CHRM3: variants seen among roughly 807,000 people sequenced by gnomAD.
CHRM3 encodes muscarinic acetylcholine receptor M3.
In CHRM3, 11 loss-of-function variants were observed where a neutral mutation model predicts 41.8. That is an observed-to-expected ratio of 0.26 (90% CI 0.17 to 0.44). CHRM3 has a LOEUF of 0.44. CHRM3 is among the 20% of genes least tolerant of loss of function. The probability of loss-of-function intolerance (pLI) is 1.00; values close to 1 mark genes in which losing one functional copy is unlikely to be tolerated. For synonymous variants in CHRM3, 297 were observed against 301.4 expected, an observed-to-expected ratio of 0.99 and a Z score of 0.15; for missense variants, 571 against 745.4, an observed-to-expected ratio of 0.77 and a Z score of 2.72.
At chr1:239,881,708 G>A (rs1677650717) in intron 6 of CHRM3, among the ~76,000 whole-genome samples, 1 of 152,094 alleles carries the variant, frequency 6.6e-6, no homozygotes, top group Non-Finnish European at 1.5e-5. Context: ...TTGAGCTTGA[G>A]TTTCACCAAA....
intron 5 of CHRM3, among the ~76,000 whole-genome samples, chr1:239,684,771 A>AAAGAAAGAAAGAAAGAAAGAAAGAAAGG (rs71166886): frequency 1.4e-5 from 1 of 70,182 alleles, no homozygotes; most frequent in African/African-American, 3.1e-5. Context: ...AGAAAGAAAG[A>AAAGAAAGAAAGAAAGAAAGAAAGAAAGG]GAAAGAGAAA....
chr1:239,758,714 T>C (rs1572198612), intron 5 of CHRM3, among the ~76,000 whole-genome samples: 2 of 152,374 alleles, frequency 1.3e-5, no homozygotes, highest in East Asian at 1.9e-4. Context: ...GGAAAGGTTA[T>C]TTTTTATTTT....
chr1:239,621,844 C>T (rs1188811472), intron 3 of CHRM3, among the ~76,000 whole-genome samples: 2 of 152,152 alleles, frequency 1.3e-5, no homozygotes, highest in African/African-American at 2.4e-5. Flanking sequence ...CACTAAACAT[C>T]AGATTTTCAG....
At chr1:239,524,047 AT>A (rs1400979013) in intron 2 of CHRM3, among the ~76,000 whole-genome samples, 2 of 152,122 alleles carry the variant, frequency 1.3e-5, no homozygotes, top group African/African-American at 4.8e-5. Flanking sequence ...TTAATACCAC[AT>A]TTCTCAGCTT....
At chr1:239,653,808 C>T (rs903329508) in intron 4 of CHRM3, among the ~76,000 whole-genome samples, 12 of 151,964 alleles carry the variant, frequency 7.9e-5, no homozygotes, top group Non-Finnish European at 2.9e-5. Context: ...TTATGGTTGG[C>T]CCTGGGGGAT....
intron 6 of CHRM3, among the ~76,000 whole-genome samples, chr1:239,843,447 CTTTTTTTTTT>C (rs34901177): frequency 2.5e-5 from 2 of 81,226 alleles, no homozygotes; most frequent in African/African-American, 4.6e-5. Context: ...ACTCGCTTTC[CTTTTTTTTTT>C]TTTTTTTTTT....
At position 239,879,270 on chromosome 1, in the gene CHRM3, A is replaced by C. The variant is rs1202521884; in HGVS notation, c.-19-28163A>C. ...CCCAGTTTCCCAAAGTGCTGGGATT[A>C]CGGGTGTGAGCCAACGCACCCAGCT... On this transcript the variant is annotated intron_variant, in intron 6 of 6. Transcript: ENST00000676153. 2.0e-5 allele frequency among the ~76,000 whole-genome samples: 3 copies of C among 152,224 alleles called. No homozygotes were observed. In the South Asian group the frequency reaches 6.2e-4, roughly 32 times the overall value.
rs187122506 is a variant in CHRM3 at position 239,578,996 on chromosome 1, A to G, written c.-313+33247A>G. Reference sequence around the variant, plus strand: ...ATCCTATTAACTTTACAATGTAAGTATCTCACTGTTCCATTACTAGAATTA... The same window carrying G: ...ATCCTATTAACTTTACAATGTAAGTGTCTCACTGTTCCATTACTAGAATTA... On this transcript the variant is annotated intron_variant, in intron 3 of 6. Transcript: ENST00000676153. 1.6e-4 allele frequency among the ~76,000 whole-genome samples: 24 copies of G among 152,360 alleles called. No individual in the cohort carries two copies. The East Asian group carries it at 3.7e-3, about 23-fold the overall frequency.
intron 2 of CHRM3, among the ~76,000 whole-genome samples, chr1:239,541,515 AT>A (rs1341221816): frequency 6.6e-6 from 1 of 151,694 alleles, no homozygotes; most frequent in Non-Finnish European, 1.5e-5. Flanking sequence ...TTTATTTTTT[AT>A]TTATTTATTT....
chr1:239,873,260 C>G (rs1049825809), intron 6 of CHRM3, among the ~76,000 whole-genome samples: 4 of 152,186 alleles, frequency 2.6e-5, no homozygotes, highest in African/African-American at 9.7e-5. Context: ...GCCTCAGTTT[C>G]CTCAGCTACA....
At chr1:239,869,155 T>C (rs1331554722) in intron 6 of CHRM3, among the ~76,000 whole-genome samples, 1 of 151,968 alleles carries the variant, frequency 6.6e-6, no homozygotes, top group Non-Finnish European at 1.5e-5. Flanking sequence ...AGCTGTGAGT[T>C]CCCAGCCCCA....
chr1:239,498,596 C>T (rs1455283772), intron 2 of CHRM3, among the ~76,000 whole-genome samples: 1 of 152,056 alleles, frequency 6.6e-6, no homozygotes, highest in Non-Finnish European at 1.5e-5. Flanking sequence ...TATAGACTTT[C>T]TGAGAGCTTA....
intron 1 of CHRM3, among the ~76,000 whole-genome samples, chr1:239,450,962 G>C (rs1312185755): frequency 6.6e-6 from 1 of 152,222 alleles, no homozygotes; most frequent in South Asian, 2.1e-4. Context: ...GGCCATGACA[G>C]AAGAATCACT....
chr1:239,655,750 G>A (rs1672654629), intron 4 of CHRM3, among the ~76,000 whole-genome samples: 1 of 152,036 alleles, frequency 6.6e-6, no homozygotes, highest in African/African-American at 2.4e-5. Context: ...CCCCTGTATG[G>A]GCAGTCTTTC....
At chr1:239,700,738 C>T (rs1185625019) in intron 5 of CHRM3, among the ~76,000 whole-genome samples, 2 of 151,994 alleles carry the variant, frequency 1.3e-5, no homozygotes, top group East Asian at 1.9e-4. Context: ...ATGTGTGGGA[C>T]GTTATTTCTT....
intron 5 of CHRM3, among the ~76,000 whole-genome samples, chr1:239,679,267 GA>G (rs1202156968): frequency 6.6e-6 from 1 of 152,020 alleles, no homozygotes; most frequent in Non-Finnish European, 1.5e-5. Flanking sequence ...TTTTCAACAG[GA>G]AAACTACATA....
At chr1:239,401,095 C>A (rs7556590) in intron 1 of CHRM3, among the ~76,000 whole-genome samples, 3,751 of 152,258 alleles carry the variant, frequency 0.025, 161 homozygotes, top group African/African-American at 0.086. Context: ...CTGGGAGGGA[C>A]TGAAACATTC....
intron 4 of CHRM3, among the ~76,000 whole-genome samples, chr1:239,640,081 A>G (rs1670937012): frequency 1.3e-5 from 2 of 151,824 alleles, no homozygotes; most frequent in African/African-American, 4.8e-5. Context: ...TGATTTGCAT[A>G]TATTGAACCA....
chr1:239,757,738 A>G (rs1186877935), intron 5 of CHRM3, among the ~76,000 whole-genome samples: 3 of 152,230 alleles, frequency 2.0e-5, no homozygotes, highest in East Asian at 3.8e-4. Context: ...AAAGCCATCC[A>G]GTTTAATCCT....
Sources: gnomAD v4.1 joint callset for allele counts (sites outside exome capture counted in the v4.1 genomes callset) on GRCh38, gnomAD v4.1.1 for gene constraint, MANE v1.5 for transcripts, NCBI Gene and HGNC (gene_info 2026-07-23, HGNC 2026-07-21) for gene names.